Variants in CPNE4 observed in about 807,000 individuals in gnomAD.
CPNE4 encodes the protein copine-4.
A neutral mutation model predicts 67.9 loss-of-function variants in CPNE4; 25 were observed. The ratio of observed to expected loss-of-function variants is 0.37; its 90% confidence interval spans 0.27 to 0.51. The LOEUF is 0.51. Among genes scored for constraint, CPNE4 ranks in the 20% least tolerant of loss-of-function variants. The probability of loss-of-function intolerance (pLI) is 0.93; values close to 1 mark genes in which losing one functional copy is unlikely to be tolerated. For synonymous variants in CPNE4, 242 were observed against 244.9 expected, an observed-to-expected ratio of 0.99 and a Z score of 0.11; for missense variants, 464 against 690.8, an observed-to-expected ratio of 0.67 and a Z score of 3.68.
chr3:131,891,844 G>A (rs1294279362), intron 2 of CPNE4, among the ~76,000 whole-genome samples: 1 of 151,948 alleles, frequency 6.6e-6, no homozygotes, highest in Non-Finnish European at 1.5e-5. Flanking sequence ...TTGATTACAT[G>A]GCTTAAGCAA....
At chr3:131,619,423 G>T (rs1940343108) in intron 7 of CPNE4, among the ~76,000 whole-genome samples, 2 of 152,086 alleles carry the variant, frequency 1.3e-5, no homozygotes, top group East Asian at 3.9e-4. Context: ...ACTATAATAT[G>T]ACAGGTATTA....
chr3:131,888,476 C>A (rs1020060698), intron 2 of CPNE4, among the ~76,000 whole-genome samples: 3 of 151,922 alleles, frequency 2.0e-5, no homozygotes, highest in African/African-American at 7.2e-5. Flanking sequence ...TGAAAACAGA[C>A]TATCCAAGAT....
At chr3:131,792,411 C>T (rs929639082) in intron 2 of CPNE4, among the ~76,000 whole-genome samples, 8 of 151,302 alleles carry the variant, frequency 5.3e-5, no homozygotes, top group African/African-American at 1.9e-4. Flanking sequence ...TTACCATACC[C>T]GAAAACTATG....
chr3:131,921,029 G>A (rs1338763579), intron 1 of CPNE4, among the ~76,000 whole-genome samples: 1 of 152,172 alleles, frequency 6.6e-6, no homozygotes, highest in African/African-American at 2.4e-5. Flanking sequence ...AAGGCCTCCT[G>A]TCCACACCTG....
At position 131,669,541 on chromosome 3, in the gene CPNE4, C is replaced by T. The variant is rs532249133; in HGVS notation, c.681+134G>A. ...AAGAAATAGCCCTTGTTTCTTCCATCGAGATGCTAAAAGATGAGAGGGTTG... is the reference window on the plus strand; with the variant it reads ...AAGAAATAGCCCTTGTTTCTTCCATTGAGATGCTAAAAGATGAGAGGGTTG... On this transcript the variant is annotated intron_variant, in intron 7 of 15. Transcript: ENST00000429747. 5.9e-5 allele frequency: 37 copies of T among 627,870 alleles called. 1 individual carries two copies. The highest frequency in any genetic ancestry group is 2.3e-4 in the South Asian group (10 of 43,860). 38.9% of individuals were successfully genotyped at this position (627,870 alleles called of 1,614,324 possible).
chr3:131,721,243 G>A (rs550340928), intron 3 of CPNE4, among the ~76,000 whole-genome samples: 17 of 151,008 alleles, frequency 1.1e-4, no homozygotes, highest in Non-Finnish European at 2.4e-4. Context: ...TACTTGCAAG[G>A]TTAAGGACTT....
At chr3:131,684,282 A>T (rs924826971) in intron 6 of CPNE4, among the ~76,000 whole-genome samples, 1 of 152,204 alleles carries the variant, frequency 6.6e-6, no homozygotes, top group African/African-American at 2.4e-5. Flanking sequence ...TTTGTTTCAC[A>T]TAAGGAAACT....
At chr3:131,907,785 CAACCTCAGTTCCCTTAGGTAAAAGG>C (rs879936253) in intron 1 of CPNE4, among the ~76,000 whole-genome samples, 4 of 152,078 alleles carry the variant, frequency 2.6e-5, no homozygotes, top group East Asian at 1.9e-4. Context: ...AAATGTTTAC[CAACCTCAGTTCCCTTAGGTAAAAGG>C]AACCTCAGTT....
At chr3:131,836,976 T>G (rs2108009112) in intron 2 of CPNE4, among the ~76,000 whole-genome samples, 1 of 152,248 alleles carries the variant, frequency 6.6e-6, no homozygotes, top group Non-Finnish European at 1.5e-5. Flanking sequence ...TGAAAAGATG[T>G]TCAATATCAC....
chr3:131,944,421 G>A (rs557398671), intron 1 of CPNE4, among the ~76,000 whole-genome samples: 4 of 152,040 alleles, frequency 2.6e-5, no homozygotes, highest in South Asian at 2.1e-4. Context: ...CAGGTGCTGC[G>A]TGACTGTAAG....
chr3:132,010,350 G>T (rs889182261), intron 1 of CPNE4, among the ~76,000 whole-genome samples: 2 of 152,116 alleles, frequency 1.3e-5, no homozygotes, highest in Non-Finnish European at 1.5e-5. Flanking sequence ...GAGGAAAAAC[G>T]AACAAAATAT....
chr3:131,936,614 G>A (rs1168494859), intron 1 of CPNE4, among the ~76,000 whole-genome samples: 1 of 150,668 alleles, frequency 6.6e-6, no homozygotes. Flanking sequence ...GCACAGACAT[G>A]ATACAAAGAA....
At chr3:131,550,149 C>T in intron 13 of CPNE4, 69 bp from the exon 14 acceptor site, 1 of 1,542,742 alleles carries the variant, frequency 6.5e-7, no homozygotes. Context: ...CAAACACACA[C>T]AAAAGTAAAG....
At chr3:131,582,472 C>T (rs746058707) in intron 8 of CPNE4, among the ~76,000 whole-genome samples, 6 of 152,168 alleles carry the variant, frequency 3.9e-5, no homozygotes, top group Non-Finnish European at 7.3e-5. Context: ...GATTTCTACT[C>T]AAGAGACAAA....
At chr3:132,002,485 A>C (rs1345226271) in intron 1 of CPNE4, among the ~76,000 whole-genome samples, 2 of 152,080 alleles carry the variant, frequency 1.3e-5, no homozygotes, top group Non-Finnish European at 2.9e-5. Flanking sequence ...TTTTTTCCCA[A>C]GTTTATCCAA....
At chr3:131,877,834 G>A (rs1297583479) in intron 2 of CPNE4, among the ~76,000 whole-genome samples, 3 of 152,200 alleles carry the variant, frequency 2.0e-5, no homozygotes, top group Admixed American at 6.5e-5. Context: ...ATTACACAGA[G>A]GTATGTCACA....
chr3:131,801,371 C>CATATATATATATGGTACATATATATGGTA (rs2084101895), intron 2 of CPNE4, among the ~76,000 whole-genome samples: 1 of 95,928 alleles, frequency 1.0e-5, no homozygotes, highest in Non-Finnish European at 2.1e-5. Context: ...TATATATGTA[C>CATATATATATATGGTACATATATATGGTA]CATATATATA....
At chr3:131,737,297 T>C (rs2082260416) in intron 2 of CPNE4, among the ~76,000 whole-genome samples, 1 of 151,858 alleles carries the variant, frequency 6.6e-6, no homozygotes, top group African/African-American at 2.4e-5. Flanking sequence ...CTAATTTTTG[T>C]ATTTTTAGTG....
At chr3:131,541,291 T>C (rs1355806856) in intron 15 of CPNE4, among the ~76,000 whole-genome samples, 2 of 152,164 alleles carry the variant, frequency 1.3e-5, no homozygotes, top group African/African-American at 4.8e-5. Context: ...TACAGCTCAG[T>C]AGGTGCAGGG....
Sources: allele counts gnomAD v4.1 joint callset (sites outside exome capture counted in the v4.1 genomes callset), GRCh38; gene constraint gnomAD v4.1.1; transcripts MANE v1.5; gene names NCBI Gene and HGNC (gene_info 2026-07-23, HGNC 2026-07-21).